Variants in TNRC6B observed in about 807,000 individuals in gnomAD.
TNRC6B encodes the protein trinucleotide repeat containing adaptor 6B.
A neutral mutation model predicts 203.6 loss-of-function variants in TNRC6B; 52 were observed. The ratio of observed to expected loss-of-function variants is 0.26; its 90% CI spans 0.20 to 0.32. The LOEUF is 0.32. Among genes scored for constraint, TNRC6B ranks in the 10% least tolerant of loss-of-function variants. The pLI, the probability that TNRC6B is intolerant of heterozygous loss-of-function variation, is 1.00. For missense variants in TNRC6B, 1,923 were observed against 2,286.2 expected (o/e 0.84, Z 3.24); for synonymous variants, 838 against 845.7 (o/e 0.99, Z 0.16).
intron 1 of TNRC6B, among the ~76,000 whole-genome samples, chr22:40,109,261 TATAA>T (rs2068312907): frequency 6.6e-6 from 1 of 152,204 alleles, no homozygotes; most frequent in Non-Finnish European, 1.5e-5. Context: ...TATGTATCTT[TATAA>T]TAGAATGATT....
At chr22:40,222,336 G>C (rs757432459) in intron 1 of TNRC6B, among the ~76,000 whole-genome samples, 1 of 152,198 alleles carries the variant, frequency 6.6e-6, no homozygotes, top group Non-Finnish European at 1.5e-5. Context: ...ATAGATGAAA[G>C]GGAAGTTTTG....
intron 1 of TNRC6B, among the ~76,000 whole-genome samples, chr22:40,232,685 G>GGAAAGTAAAATT: frequency 6.6e-6 from 1 of 152,308 alleles, no homozygotes; most frequent in East Asian, 1.9e-4. Context: ...TATAGCTTTT[G>GGAAAGTAAAATT]CCACATAGAA....
intron 1 of TNRC6B, among the ~76,000 whole-genome samples, chr22:40,196,899 A>T (rs1255155184): frequency 2.0e-5 from 3 of 152,058 alleles, no homozygotes; most frequent in Admixed American, 2.0e-4. Flanking sequence ...CCATTACCTC[A>T]TTTAGTCCTC....
chr22:40,245,061 C>A (rs558656667), intron 1 of TNRC6B, among the ~76,000 whole-genome samples: 1 of 149,638 alleles, frequency 6.7e-6, no homozygotes, highest in Admixed American at 6.8e-5. Context: ...GTGAATTCAC[C>A]CAATAGGACA....
chr22:40,050,007 A>G (rs771714084), intron 1 of TNRC6B, among the ~76,000 whole-genome samples: 2 of 152,140 alleles, frequency 1.3e-5, no homozygotes, highest in East Asian at 1.9e-4. Context: ...TTATTATTCT[A>G]TAATTTATAA....
rs527791293 is a variant in TNRC6B, at chr22:40,334,059, G to A, written c.*10818G>A. On this transcript the variant is annotated 3_prime_UTR_variant, in exon 23 of 23. Coordinates refer to ENST00000454349, the MANE Select transcript of TNRC6B (RefSeq NM_001162501.2). ...TCTGATTTGGGCACTGTTCACCTTGGAATTTTATTTATTTTGTTTATCTGG... is the reference window on the plus strand; with the variant it reads ...TCTGATTTGGGCACTGTTCACCTTGAAATTTTATTTATTTTGTTTATCTGG... 7 of 152,648 alleles carry A rather than the reference G, an allele frequency of 4.6e-5. No individual in the cohort carries two copies. The highest frequency in any genetic ancestry group is 1.7e-4 in the African/African-American group (7 of 41,520). The allele number at this position is 152,648 out of a possible 1,614,324, so 9.5% of individuals were successfully genotyped here. A position where few individuals can be genotyped will look rare whatever the true frequency, so the allele number is the denominator to read the frequency against.
chr22:40,311,623 G>A (rs762472478), intron 17 of TNRC6B, among the ~76,000 whole-genome samples: 2 of 151,410 alleles, frequency 1.3e-5, no homozygotes, highest in Non-Finnish European at 2.9e-5. Context: ...TTCACTGCAA[G>A]CTCTGCCTCC....
chr22:40,303,046 C>CTTTTT (rs756951957), intron 15 of TNRC6B, among the ~76,000 whole-genome samples: 7 of 90,072 alleles, frequency 7.8e-5, no homozygotes, highest in African/African-American at 1.5e-4. Context: ...TCTTCTTCTT[C>CTTTTT]TTTTTTTTTT....
chr22:40,112,531 T>C (rs1357002013), intron 1 of TNRC6B, among the ~76,000 whole-genome samples: 1 of 152,208 alleles, frequency 6.6e-6, no homozygotes, highest in Non-Finnish European at 1.5e-5. Context: ...TAAAACAGGA[T>C]GCCCCTGGCC....
At chr22:40,200,624 G>T (rs924630498) in intron 1 of TNRC6B, among the ~76,000 whole-genome samples, 1 of 151,996 alleles carries the variant, frequency 6.6e-6, no homozygotes, top group Non-Finnish European at 1.5e-5. Context: ...TAAATCATGA[G>T]AAGTACATAA....
At chr22:40,097,243 GA>G (rs1425400463) in intron 1 of TNRC6B, among the ~76,000 whole-genome samples, 2 of 152,162 alleles carry the variant, frequency 1.3e-5, no homozygotes, top group African/African-American at 2.4e-5. Context: ...TGATGTTTAT[GA>G]AGTAGAAAAT....
chr22:40,299,881 G>A (rs1427261769), intron 12 of TNRC6B, among the ~76,000 whole-genome samples: 2 of 152,186 alleles, frequency 1.3e-5, no homozygotes, highest in African/African-American at 2.4e-5. Flanking sequence ...CTGCAGCCTC[G>A]CCTAGCTCAC....
rs575502856 is a variant in TNRC6B, at chr22:40,225,601, G to C, written c.6-20414G>C. Among the ~76,000 whole-genome samples, 159 of 152,292 alleles carry C rather than the reference G, an allele frequency of 1.0e-3. 1 individual carries two copies. Among genetic ancestry groups the C allele is most frequent in the Non-Finnish European group, 1.6e-3 (112 of 68,022 alleles). On this transcript the variant is annotated intron_variant, in intron 1 of 22. Transcript: ENST00000454349. Reference sequence around the variant, plus strand: ...TTTAAAATAAAATAAAACTTAGCCAGGTGTGGCGGCGTGTGCCTGTAACCC... The same window carrying C: ...TTTAAAATAAAATAAAACTTAGCCACGTGTGGCGGCGTGTGCCTGTAACCC...
chr22:40,118,256 C>T (rs567871225), intron 2 of TNRC6B, among the ~76,000 whole-genome samples: 3 of 152,036 alleles, frequency 2.0e-5, no homozygotes, highest in Non-Finnish European at 2.9e-5. Context: ...ACTGTGTGGC[C>T]TATGGTTTTT....
chr22:40,296,289 GCACCCCTCCACTAT>G (rs2070938970), intron 12 of TNRC6B, among the ~76,000 whole-genome samples: 1 of 150,624 alleles, frequency 6.6e-6, no homozygotes, highest in African/African-American at 2.4e-5. Flanking sequence ...TGGGAAAGAA[GCACCCCTCCACTAT>G]AAGAAATTGA....
intron 3 of TNRC6B, among the ~76,000 whole-genome samples, chr22:40,154,860 A>AAATATATAT (rs1555885936): frequency 2.1e-4 from 5 of 23,586 alleles, no homozygotes; most frequent in Non-Finnish European, 3.1e-4. Context: ...AAAAAAAAAA[A>AAATATATAT]ATATATATAT....
chr22:40,217,157 C>T (rs1250737272), intron 1 of TNRC6B, among the ~76,000 whole-genome samples: 1 of 152,178 alleles, frequency 6.6e-6, no homozygotes, highest in South Asian at 2.1e-4. Context: ...GCATTTCCCT[C>T]ATTGTTCCTT....
At chr22:40,159,636 C>G (rs1002185186) in intron 4 of TNRC6B, among the ~76,000 whole-genome samples, 18 of 148,198 alleles carry the variant, frequency 1.2e-4, no homozygotes, top group Non-Finnish European at 1.6e-4. Context: ...AAGACTCCAT[C>G]TTAAAACATT....
rs184526045 is a variant in TNRC6B at position 40,100,548 on chromosome 22, A to T, written c.-120-16507A>T. On this transcript the variant is annotated intron_variant, in intron 1 of 23. Transcript: ENST00000301923. ...TGCACACCACCATGTCAGGCTAATTAAAAAAAAAAATTTATAGACATGGAG... is the reference window on the plus strand; with the variant it reads ...TGCACACCACCATGTCAGGCTAATTTAAAAAAAAAATTTATAGACATGGAG... Among the ~76,000 whole-genome samples the T allele has an allele frequency of 4.3e-3, 638 of 149,474 alleles. 6 individuals carry two copies. The highest frequency in any genetic ancestry group is 0.017 in the Middle Eastern group (5 of 290).
Sources: allele counts gnomAD v4.1 joint callset (sites outside exome capture counted in the v4.1 genomes callset), GRCh38; gene constraint gnomAD v4.1.1; transcripts MANE v1.5; gene names NCBI Gene and HGNC (gene_info 2026-07-23, HGNC 2026-07-21).